GET4: variants seen among roughly 807,000 people sequenced by gnomAD.
GET4 encodes Golgi to ER traffic protein 4 homolog.
A neutral mutation model predicts 40.0 loss-of-function variants in GET4; 20 were observed. The ratio of observed to expected loss-of-function variants is 0.50; its 90% CI spans 0.35 to 0.73. The LOEUF is 0.73. Ranked by LOEUF, GET4 falls within the 30% of genes least tolerant of loss-of-function variation. The pLI, the probability that GET4 is intolerant of heterozygous loss-of-function variation, is 0.01. For missense variants in GET4, 557 were observed against 454.0 expected (o/e 1.23, Z -2.06); for synonymous variants, 280 against 194.6 (o/e 1.44, Z -3.65).
chr7:879,886 G>C (rs2128626469), intron 1 of GET4: 1 of 152,342 alleles, frequency 6.6e-6, no homozygotes, highest in Admixed American at 6.5e-5. Flanking sequence ...CAACCCGATT[G>C]TTCTTCAGGG....
At chr7:884,820 C>G (rs578237474) in intron 1 of GET4, 1 of 157,638 alleles carries the variant, frequency 6.3e-6, no homozygotes, top group Non-Finnish European at 1.4e-5. Context: ...GCGCCTCGCT[C>G]TGTCATCCGT....
intron 1 of GET4, chr7:882,227 T>C (rs959365038): frequency 1.3e-5 from 2 of 152,234 alleles, no homozygotes; most frequent in African/African-American, 4.8e-5. Flanking sequence ...GTTCTGTTTT[T>C]AGTTCTTTTA....
chr7:888,482 C>T lies in GET4; in HGVS notation c.466+963C>T, dbSNP rs375015522. Among the ~76,000 whole-genome samples the T allele has an allele frequency of 1.2e-4, 19 of 152,344 alleles. No homozygotes were observed. In the East Asian group the frequency reaches 3.5e-3, roughly 28 times the overall value. On this transcript the variant is annotated intron_variant, in intron 4 of 8. Coordinates refer to ENST00000265857, the MANE Select transcript of GET4 (RefSeq NM_015949.3). ...ACCTGGCAGGCTTTCCCGACCTTCTCCCTGAGCGACAGGAATGGGAAGTGA... is the reference window on the plus strand; with the variant it reads ...ACCTGGCAGGCTTTCCCGACCTTCTTCCTGAGCGACAGGAATGGGAAGTGA...
intron 6 of GET4, among the ~76,000 whole-genome samples, chr7:892,889 CGT>C (rs1844361309): frequency 6.9e-6 from 1 of 145,188 alleles, no homozygotes; most frequent in South Asian, 2.2e-4. Flanking sequence ...TGTGTGTAGA[CGT>C]GTGGGTAGCT....
At chr7:892,866 C>T (rs1844360308) in intron 6 of GET4, among the ~76,000 whole-genome samples, 1 of 146,608 alleles carries the variant, frequency 6.8e-6, no homozygotes, top group Non-Finnish European at 1.5e-5. Flanking sequence ...GGGGTGCGTG[C>T]AGGTATGTGT....
rs777839888 is a variant in GET4, at chr7:893,963, G to C, written c.887G>C (p.Gly296Ala). ...VPPKQTSSYG[G>A]LLGNLLTSLM... Reference sequence around the variant, plus strand: ...CCCAAGCAGACGTCTTCCTACGGGGGCCTGCTCGGTAAGCCGGGGCGCCCT... The same window carrying C: ...CCCAAGCAGACGTCTTCCTACGGGGCCCTGCTCGGTAAGCCGGGGCGCCCT... Residue 296 changes from glycine to alanine, a missense_variant, in exon 8 of 9, where the codon GGC becomes GCC. By Grantham distance (60) the Gly-to-Ala change is moderately conservative. Coordinates refer to ENST00000265857, the MANE Select transcript of GET4 (RefSeq NM_015949.3). 4.9e-5 allele frequency: 79 copies of C among 1,596,490 alleles called. No individual in the cohort carries two copies. The highest frequency in any genetic ancestry group is 6.7e-5 in the Non-Finnish European group (78 of 1,169,766).
chr7:883,505 A>G (rs1844126842), intron 1 of GET4: 1 of 985,242 alleles, frequency 1.0e-6, no homozygotes, highest in South Asian at 4.7e-5. Flanking sequence ...AAAATCAGCT[A>G]GATTGTTTGC....
At position 887,412 on chromosome 7, in the gene GET4, C is replaced by G. The variant is rs1272023301; in HGVS notation, c.359C>G (p.Pro120Arg). Residue 120 changes from proline to arginine, a missense_variant, in exon 4 of 9, where the codon CCT becomes CGT. By Grantham distance (103) the Pro-to-Arg change is moderately radical (BLOSUM62 -2). Transcript: ENST00000265857. Reference sequence around the variant, plus strand: ...TTCAGCCTGATGGACCCCAACTCTCCTGAGCGCGTGACCTTTGTGTCCAGA... The same window carrying G: ...TTCAGCCTGATGGACCCCAACTCTCGTGAGCGCGTGACCTTTGTGTCCAGA... The part of the protein sequence containing the change: ...KVFSLMDPNS[P>R]ERVTFVSRAL... 6.2e-7 allele frequency: 1 copy of G among 1,603,654 alleles called. No homozygotes were observed. The highest frequency in any genetic ancestry group is 1.1e-5 in the South Asian group (1 of 90,124).
At chr7:887,277 A>C in intron 3 of GET4, 93 bp from the exon 4 acceptor site, 1 of 1,240,914 alleles carries the variant, frequency 8.1e-7, no homozygotes, top group Admixed American at 1.7e-5. Context: ...CCTGTTAAGT[A>C]GTTGCGAATG....
rs568009362 is a variant in GET4 at position 887,732 on chromosome 7, G to C, written c.466+213G>C. Among the ~76,000 whole-genome samples, 69 of 152,334 alleles carry C rather than the reference G, an allele frequency of 4.5e-4. 1 individual carries two copies. Among genetic ancestry groups the C allele is most frequent in the Admixed American group, 1.3e-3 (20 of 15,300 alleles). ...GCTGCGAGAAGGGGGGCAGGCGGCC[G>C]CCTCTCCAGGCCTTCCCGTGGGACG... On this transcript the variant is annotated intron_variant, in intron 4 of 8. Coordinates refer to ENST00000265857, the MANE Select transcript of GET4 (RefSeq NM_015949.3).
At chr7:885,987 T>C (rs746211631) in intron 1 of GET4, 69 bp from the exon 2 acceptor site, 15 of 950,000 alleles carry the variant, frequency 1.6e-5, no homozygotes, top group Non-Finnish European at 2.4e-5. Context: ...GCTTCTGACC[T>C]GAAGATGAGC....
At position 887,350 on chromosome 7, in the gene GET4, A is replaced by G. The variant is rs1199027827; in HGVS notation, c.317-20A>G. On this transcript the variant is annotated intron_variant, in intron 3 of 8. Transcript: ENST00000265857. ...GGAGTGGCCGTGCGTTCCTCTGATG[A>G]GGGTCTGTGCTGTTTGCAGAAAATC... The G allele has an allele frequency of 6.4e-7, 1 of 1,572,246 alleles. No individual in the cohort carries two copies. The highest frequency in any genetic ancestry group is 1.2e-5 in the South Asian group (1 of 85,530).
At chr7:877,335 C>T (rs1230805587) in intron 1 of GET4, among the ~76,000 whole-genome samples, 2 of 135,556 alleles carry the variant, frequency 1.5e-5, no homozygotes, top group Non-Finnish European at 3.2e-5. Flanking sequence ...TCCCCCTGCC[C>T]CTCGTCTCTC....
At chr7:882,603 G>A (rs1252627703) in intron 1 of GET4, 2 of 150,528 alleles carry the variant, frequency 1.3e-5, no homozygotes, top group African/African-American at 2.5e-5. Context: ...GTGGGCGGCC[G>A]ACCTTGCCCC....
chr7:893,815 G>C lies in GET4; in HGVS notation c.822G>C (p.Glu274Asp), dbSNP rs777961497. Residue 274 changes from glutamate (E) to aspartate (D), a missense_variant and splice_region_variant, in exon 7 of 9, where the codon GAG becomes GAC. Transcript: ENST00000265857. ...TCCGGCGGGACCCCATGTACAACGAGGTGAGAGCTTGGGGCTGGGGAGGGA... is the reference window on the plus strand; with the variant it reads ...TCCGGCGGGACCCCATGTACAACGACGTGAGAGCTTGGGGCTGGGGAGGGA... ...PSLRRDPMYN[E>D]YLDRIGQLFF... The C allele has an allele frequency of 2.5e-6, 4 of 1,610,090 alleles. No individual in the cohort carries two copies. In the Admixed American group the frequency reaches 6.7e-5, roughly 27 times the overall value.
intron 1 of GET4, chr7:881,768 AG>A (rs1473790752): frequency 6.6e-6 from 1 of 152,176 alleles, no homozygotes; most frequent in Non-Finnish European, 1.5e-5. Flanking sequence ...AGATCATTTC[AG>A]CACCGGGTAC....
At position 895,472 on chromosome 7, in the gene GET4, G is replaced by A. The variant is rs761577148; in HGVS notation, c.*50G>A. On this transcript the variant is annotated 3_prime_UTR_variant, in exon 9 of 9. Coordinates refer to ENST00000265857, the MANE Select transcript of GET4 (RefSeq NM_015949.3). ...CACGGTCGACGACGGCTGGAGGGAC[G>A]TTTCAGAGGCGAGTCCTGGGTGGCT... 19 of 981,068 alleles carry A rather than the reference G, an allele frequency of 1.9e-5. No individual in the cohort carries two copies. The highest frequency in any genetic ancestry group is 5.7e-5 in the Admixed American group (3 of 53,056). The allele number at this position is 981,068 out of a possible 1,614,324, so 60.8% of individuals were successfully genotyped here.
Position 893,892 on chromosome 7 carries a change from C to CT in GET4, c.823-5dup. On this transcript the variant is annotated splice_polypyrimidine_tract_variant and splice_region_variant and intron_variant, in intron 7 of 8. Transcript: ENST00000265857. ...CCCCCTCTGAGCCCGCTGCCTGTGC[C>CT]TTGCAGTACCTCGACCGCATAGGAC... The CT allele has an allele frequency of 6.2e-7, 1 of 1,612,356 alleles. No homozygotes were observed.
intron 6 of GET4, among the ~76,000 whole-genome samples, chr7:892,817 G>A (rs550326385): frequency 4.0e-5 from 6 of 151,238 alleles, no homozygotes; most frequent in Admixed American, 1.3e-4. Context: ...AGGTGTAGAC[G>A]GCGTATGTGC....
Sources: allele counts gnomAD v4.1 joint callset (sites outside exome capture counted in the v4.1 genomes callset), GRCh38; gene constraint gnomAD v4.1.1; transcripts MANE v1.5; gene names NCBI Gene and HGNC (gene_info 2026-07-23, HGNC 2026-07-21).